MAGI1: variants seen among roughly 807,000 people sequenced by gnomAD.
MAGI1 encodes the protein membrane-associated guanylate kinase, WW and PDZ domain-containing protein 1.
A neutral mutation model predicts 139.9 loss-of-function variants in MAGI1; 58 were observed. The observed-to-expected ratio is 0.41, with a 90% CI of 0.34 to 0.52. The LOEUF (loss-of-function observed/expected upper bound fraction) is 0.52, where lower values mean the gene tolerates loss of function less well. Among genes scored for constraint, MAGI1 ranks in the 20% least tolerant of loss-of-function variants. The pLI is 0.12. For synonymous variants in MAGI1, 812 were observed against 737.9 expected (o/e 1.10, Z -1.63); for missense variants, 1,874 against 1,901.6 (o/e 0.99, Z 0.27).
chr3:65,608,081 C>G lies in MAGI1; in HGVS notation c.430+13891G>C, dbSNP rs553031680. Among the ~76,000 whole-genome samples, 4 of 152,228 alleles carry G rather than the reference C, an allele frequency of 2.6e-5. No individual in the cohort carries two copies. In the South Asian group the frequency reaches 8.3e-4, roughly 32 times the overall value. ...AACCAGTGCAAGCACAGCCAATAAGCAATAGAATCAAAATTTAAAACCCAG... is the reference window on the plus strand; with the variant it reads ...AACCAGTGCAAGCACAGCCAATAAGGAATAGAATCAAAATTTAAAACCCAG... On this transcript the variant is annotated intron_variant, in intron 2 of 22. Coordinates refer to ENST00000402939, the MANE Select transcript of MAGI1 (RefSeq NM_001033057.2).
intron 12 of MAGI1, among the ~76,000 whole-genome samples, chr3:65,420,139 G>A (rs1329172853): frequency 3.9e-5 from 6 of 152,112 alleles, no homozygotes; most frequent in South Asian, 2.1e-4. Flanking sequence ...ATCTGAACAC[G>A]TTACTGAGAG....
At chr3:65,415,149 G>T (rs1376428345) in intron 12 of MAGI1, among the ~76,000 whole-genome samples, 1 of 151,976 alleles carries the variant, frequency 6.6e-6, no homozygotes, top group African/African-American at 2.4e-5. Flanking sequence ...TTTACTGAAG[G>T]AACGTGCTGT....
chr3:65,859,911 T>TG (rs199991214), intron 1 of MAGI1, among the ~76,000 whole-genome samples: 21,125 of 133,762 alleles, frequency 0.16, 1,595 homozygotes, highest in African/African-American at 0.19. Context: ...TTTTTGTTTT[T>TG]TTTTTTTTGA....
At chr3:65,492,885 T>C (rs1363002064) in intron 3 of MAGI1, among the ~76,000 whole-genome samples, 7 of 152,054 alleles carry the variant, frequency 4.6e-5, no homozygotes, top group Non-Finnish European at 1.5e-5. Context: ...GAGACGATCC[T>C]GGCTAACACG....
At chr3:65,606,388 A>G (rs1039426529) in intron 2 of MAGI1, among the ~76,000 whole-genome samples, 2 of 151,640 alleles carry the variant, frequency 1.3e-5, no homozygotes, top group Non-Finnish European at 2.9e-5. Context: ...TCACCCAGGC[A>G]GGAGTACAGT....
At chr3:65,917,816 C>T (rs557861389) in intron 1 of MAGI1, among the ~76,000 whole-genome samples, 3 of 152,030 alleles carry the variant, frequency 2.0e-5, no homozygotes, top group Admixed American at 6.6e-5. Context: ...AATTTTTAGG[C>T]GGTGAAACTA....
chr3:65,575,146 T>C (rs1483939018), intron 2 of MAGI1, among the ~76,000 whole-genome samples: 3 of 152,054 alleles, frequency 2.0e-5, no homozygotes, highest in African/African-American at 4.8e-5. Context: ...GGAAAAAGTA[T>C]GTACAAATCA....
At chr3:65,594,663 A>G (rs945474834) in intron 2 of MAGI1, among the ~76,000 whole-genome samples, 1 of 152,228 alleles carries the variant, frequency 6.6e-6, no homozygotes, top group East Asian at 1.9e-4. Flanking sequence ...GGGTCTGATT[A>G]TCAACATAAG....
At chr3:65,449,872 C>A (rs1948921589) in intron 6 of MAGI1, among the ~76,000 whole-genome samples, 1 of 152,096 alleles carries the variant, frequency 6.6e-6, no homozygotes, top group African/African-American at 2.4e-5. Flanking sequence ...AAGTTCTCAA[C>A]AGAGTAAGAT....
chr3:65,492,851 G>T (rs887846341), intron 3 of MAGI1, among the ~76,000 whole-genome samples: 8 of 152,036 alleles, frequency 5.3e-5, no homozygotes, highest in African/African-American at 1.9e-4. Context: ...GGCCAAGGCG[G>T]GCGGATCACG....
chr3:65,886,249 G>C (rs2108550191), intron 1 of MAGI1, among the ~76,000 whole-genome samples: 1 of 152,192 alleles, frequency 6.6e-6, no homozygotes, highest in East Asian at 1.9e-4. Context: ...CCTATTATTA[G>C]CAAGATTATA....
rs145330020 is a variant in MAGI1, at chr3:65,870,404, T to C, written c.313+167592A>G. Among the ~76,000 whole-genome samples, 173 of 152,136 alleles carry C rather than the reference T, an allele frequency of 1.1e-3. 2 individuals carry two copies. The highest frequency in any genetic ancestry group is 1.9e-3 in the Admixed American group (29 of 15,282). On this transcript the variant is annotated intron_variant, in intron 1 of 22. Coordinates refer to ENST00000402939, the MANE Select transcript of MAGI1 (RefSeq NM_001033057.2). ...TCTGATCTCCCCATGCACCCTGATC[T>C]CTTCTCTAGGACCTAGAGGGCAAGG...
At chr3:65,561,910 C>G (rs1448268778) in intron 2 of MAGI1, among the ~76,000 whole-genome samples, 2 of 152,142 alleles carry the variant, frequency 1.3e-5, no homozygotes, top group Non-Finnish European at 2.9e-5. Context: ...TTCAGATACT[C>G]TCGTTCAACC....
At chr3:65,736,970 C>A (rs902012420) in intron 1 of MAGI1, among the ~76,000 whole-genome samples, 1 of 152,066 alleles carries the variant, frequency 6.6e-6, no homozygotes, top group Admixed American at 6.6e-5. Flanking sequence ...CCAGCCAGAA[C>A]TGATTGTTAA....
chr3:65,890,346 C>T (rs1181893425), intron 1 of MAGI1, among the ~76,000 whole-genome samples: 2 of 152,192 alleles, frequency 1.3e-5, no homozygotes, highest in African/African-American at 4.8e-5. Flanking sequence ...GCCTGGGCGA[C>T]AGAGCGAGAC....
At chr3:65,707,017 G>T (rs746970904) in intron 1 of MAGI1, among the ~76,000 whole-genome samples, 2 of 152,046 alleles carry the variant, frequency 1.3e-5, no homozygotes, top group African/African-American at 2.4e-5. Flanking sequence ...CCACCGTCTC[G>T]GCATGGCAGT....
intron 1 of MAGI1, among the ~76,000 whole-genome samples, chr3:65,695,472 G>T (rs1349279504): frequency 6.6e-6 from 1 of 152,152 alleles, no homozygotes. Context: ...ACTTGTACTT[G>T]CTCCCTCTGC....
chr3:65,546,269 C>T (rs1423658936), intron 2 of MAGI1, among the ~76,000 whole-genome samples: 1 of 152,122 alleles, frequency 6.6e-6, no homozygotes. Flanking sequence ...AGACAAAACT[C>T]TTGCCCCCAT....
chr3:65,463,117 C>T (rs1395849168), intron 5 of MAGI1, among the ~76,000 whole-genome samples: 1 of 152,190 alleles, frequency 6.6e-6, no homozygotes, highest in Non-Finnish European at 1.5e-5. Context: ...TTATTTCTTT[C>T]TCTTGCCTGA....
Sources: allele counts gnomAD v4.1 joint callset (sites outside exome capture counted in the v4.1 genomes callset), GRCh38; gene constraint gnomAD v4.1.1; transcripts MANE v1.5; gene names NCBI Gene and HGNC (gene_info 2026-07-23, HGNC 2026-07-21).